The following MARCHF1 variants were observed in gnomAD, a reference collection of about 807,000 sequenced individuals.
The protein encoded by MARCHF1 is E3 ubiquitin-protein ligase MARCHF1.
In MARCHF1, 40 loss-of-function variants were observed where a neutral mutation model predicts 54.2. The observed-to-expected ratio is 0.74, with a 90% CI of 0.57 to 0.96. The LOEUF is 0.96. MARCHF1 is among the 40% of genes least tolerant of loss of function. MARCHF1 has a pLI of 0.00. For synonymous variants in MARCHF1, 236 were observed against 236.3 expected, an observed-to-expected ratio of 1.00 and a Z score of 0.01; for missense variants, 586 against 656.5, an observed-to-expected ratio of 0.89 and a Z score of 1.17.
intron 1 of MARCHF1, among the ~76,000 whole-genome samples, chr4:164,270,517 T>A (rs953685777): frequency 6.6e-6 from 1 of 152,216 alleles, no homozygotes. Flanking sequence ...TCTTAAAGCA[T>A]GTTACATACT....
At chr4:164,115,365 T>C (rs906966524) in intron 1 of MARCHF1, among the ~76,000 whole-genome samples, 8 of 152,074 alleles carry the variant, frequency 5.3e-5, no homozygotes, top group Non-Finnish European at 1.2e-4. Context: ...AGAGACTAAA[T>C]GAAGATATGG....
intron 4 of MARCHF1, among the ~76,000 whole-genome samples, chr4:163,828,042 C>T (rs965069505): frequency 8.2e-6 from 1 of 122,648 alleles, no homozygotes; most frequent in South Asian, 3.1e-4. Flanking sequence ...CACACACACA[C>T]ACACACACAC....
At chr4:164,312,713 C>A (rs1007819809) in intron 1 of MARCHF1, among the ~76,000 whole-genome samples, 1 of 152,126 alleles carries the variant, frequency 6.6e-6, no homozygotes, top group Non-Finnish European at 1.5e-5. Flanking sequence ...AGTCTCATAT[C>A]GCTCACAGTG....
intron 4 of MARCHF1, among the ~76,000 whole-genome samples, chr4:163,759,994 A>G (rs1746785089): frequency 6.6e-6 from 1 of 152,250 alleles, no homozygotes; most frequent in South Asian, 2.1e-4. Flanking sequence ...CATTAAAACA[A>G]CACAAGCTTA....
intron 7 of MARCHF1, among the ~76,000 whole-genome samples, chr4:163,603,500 C>A (rs889722757): frequency 2.6e-5 from 4 of 152,110 alleles, no homozygotes; most frequent in African/African-American, 9.7e-5. Context: ...CTATGTTTAG[C>A]ATTGCTGGAC....
intron 2 of MARCHF1, among the ~76,000 whole-genome samples, chr4:164,037,181 C>T (rs764883401): frequency 6.6e-6 from 1 of 152,016 alleles, no homozygotes; most frequent in Non-Finnish European, 1.5e-5. Context: ...AATGGATATT[C>T]AAGCAGAGAT....
intron 1 of MARCHF1, among the ~76,000 whole-genome samples, chr4:164,145,433 G>A (rs1208827814): frequency 6.6e-6 from 1 of 151,944 alleles, no homozygotes; most frequent in Non-Finnish European, 1.5e-5. Context: ...GTATAATACT[G>A]GCAAAACGAA....
intron 1 of MARCHF1, among the ~76,000 whole-genome samples, chr4:164,257,112 T>A (rs938612583): frequency 6.6e-6 from 1 of 152,192 alleles, no homozygotes; most frequent in East Asian, 1.9e-4. Context: ...GTTCATCACA[T>A]AATATATACA....
At chr4:163,748,525 G>A (rs1283837560) in intron 4 of MARCHF1, among the ~76,000 whole-genome samples, 1 of 152,142 alleles carries the variant, frequency 6.6e-6, no homozygotes, top group Non-Finnish European at 1.5e-5. Context: ...TGATCAGGCT[G>A]CATGCCAACA....
At chr4:164,338,371 A>T (rs1180136996) in intron 1 of MARCHF1, among the ~76,000 whole-genome samples, 1 of 152,194 alleles carries the variant, frequency 6.6e-6, no homozygotes, top group Admixed American at 6.5e-5. Flanking sequence ...GAAAACAAAG[A>T]ATATGTAACT....
intron 3 of MARCHF1, among the ~76,000 whole-genome samples, chr4:163,934,115 G>T (rs1751740252): frequency 6.6e-6 from 1 of 152,168 alleles, no homozygotes; most frequent in African/African-American, 2.4e-5. Context: ...GCACATGTGT[G>T]GGGTGTACAG....
At chr4:163,533,798 G>A (rs182136835) in intron 9 of MARCHF1, among the ~76,000 whole-genome samples, 4 of 151,258 alleles carry the variant, frequency 2.6e-5, no homozygotes, top group African/African-American at 9.7e-5. Flanking sequence ...GGGTTTGTGA[G>A]CATTTAGGTA....
chr4:164,276,537 GTGTA>G (rs1733886556), intron 1 of MARCHF1, among the ~76,000 whole-genome samples: 1 of 150,862 alleles, frequency 6.6e-6, no homozygotes, highest in African/African-American at 2.4e-5. Context: ...ATACGTGTGT[GTGTA>G]TATATATAGT....
At chr4:164,037,151 A>G (rs1000090786) in intron 2 of MARCHF1, among the ~76,000 whole-genome samples, 2 of 152,142 alleles carry the variant, frequency 1.3e-5, no homozygotes, top group African/African-American at 4.8e-5. Flanking sequence ...TGGAAAAGAC[A>G]TGTCGAATTT....
At chr4:164,087,791 G>A (rs1372241449) in intron 2 of MARCHF1, among the ~76,000 whole-genome samples, 1 of 121,772 alleles carries the variant, frequency 8.2e-6, no homozygotes, top group East Asian at 2.1e-4. Flanking sequence ...TTCCTTAATT[G>A]ATAGCTTTTT....
rs186251746 is a variant in MARCHF1 at position 164,098,923 on chromosome 4, C to T, written c.-248+12665G>A. Among the ~76,000 whole-genome samples the T allele has an allele frequency of 9.4e-3, 1,437 of 152,260 alleles. 20 individuals are homozygous for T. The highest frequency in any genetic ancestry group is 0.033 in the African/African-American group (1,372 of 41,550). ...GCCATGTAAGTGGTCCAATTTTTCT[C>T]CCGTTGGCTCTAAAGAACATACAAT... On this transcript the variant is annotated intron_variant, in intron 2 of 9. Coordinates refer to ENST00000514618, the MANE Select transcript of MARCHF1 (RefSeq NM_001394959.1).
intron 3 of MARCHF1, among the ~76,000 whole-genome samples, chr4:163,942,317 A>G (rs1480628789): frequency 2.6e-5 from 4 of 152,210 alleles, no homozygotes; most frequent in East Asian, 3.8e-4. Context: ...CTTCGTATAC[A>G]GTTCTTTTAG....
At chr4:164,266,243 G>A in intron 1 of MARCHF1, among the ~76,000 whole-genome samples, 1 of 152,112 alleles carries the variant, frequency 6.6e-6, no homozygotes, top group Non-Finnish European at 1.5e-5. Context: ...GGTCTTGATA[G>A]GTCTCTTGAT....
chr4:163,847,505 C>T (rs896834370), intron 4 of MARCHF1, among the ~76,000 whole-genome samples: 7 of 148,560 alleles, frequency 4.7e-5, no homozygotes, highest in Non-Finnish European at 1.0e-4. Context: ...TTCTTACCTG[C>T]TACTACCTTT....
Sources: allele counts gnomAD v4.1 joint callset (sites outside exome capture counted in the v4.1 genomes callset), GRCh38; gene constraint gnomAD v4.1.1; transcripts MANE v1.5; gene names NCBI Gene and HGNC (gene_info 2026-07-23, HGNC 2026-07-21).